The following PPP3CA variants were observed in gnomAD, a reference collection of about 807,000 sequenced individuals.
PPP3CA encodes protein phosphatase 3 catalytic subunit alpha.
PPP3CA carries 14 observed loss-of-function variants against 66.5 expected under a neutral mutation model. That is an observed-to-expected ratio of 0.21 (90% confidence interval 0.14 to 0.33). The LOEUF (loss-of-function observed/expected upper bound fraction) is 0.33. PPP3CA is among the 10% of genes least tolerant of loss of function. PPP3CA has a pLI of 1.00. For synonymous variants in PPP3CA, 232 were observed against 226.2 expected (o/e 1.03, Z -0.23); for missense variants, 317 against 639.5 (o/e 0.50, Z 5.44).
chr4:101,237,689 G>A (rs1232092604), intron 1 of PPP3CA, among the ~76,000 whole-genome samples: 1 of 152,078 alleles, frequency 6.6e-6, no homozygotes, highest in East Asian at 1.9e-4. Flanking sequence ...TGAACGAACA[G>A]AGCATATCTG....
rs564904299 is a variant in PPP3CA at position 101,034,765 on chromosome 4, T to G, written c.1242-2401A>C. ...TATTGTTTATTTTCATGCATGTATTTCAAACTTTTTAAGCTTCTGTGGTCT... is the reference window on the plus strand; with the variant it reads ...TATTGTTTATTTTCATGCATGTATTGCAAACTTTTTAAGCTTCTGTGGTCT... On this transcript the variant is annotated intron_variant, in intron 11 of 13. Transcript: ENST00000394854. Among the ~76,000 whole-genome samples, 112 of 152,336 alleles carry G rather than the reference T, an allele frequency of 7.4e-4. 2 individuals are homozygous for G. In the South Asian group the frequency reaches 0.023, roughly 31 times the overall value.
chr4:101,121,856 C>T (rs1471132830), intron 2 of PPP3CA, among the ~76,000 whole-genome samples: 1 of 152,046 alleles, frequency 6.6e-6, no homozygotes, highest in African/African-American at 2.4e-5. Context: ...ATGGGGCCTC[C>T]AGCTAGTTAA....
chr4:101,113,016 C>T (rs1721723810), intron 2 of PPP3CA, among the ~76,000 whole-genome samples: 1 of 151,976 alleles, frequency 6.6e-6, no homozygotes, highest in Non-Finnish European at 1.5e-5. Flanking sequence ...TTTGAGATAC[C>T]CTTGTGATTG....
At chr4:101,146,856 AT>A (rs1218592167) in intron 2 of PPP3CA, among the ~76,000 whole-genome samples, 1 of 152,112 alleles carries the variant, frequency 6.6e-6, no homozygotes, top group African/African-American at 2.4e-5. Flanking sequence ...TAGATTTCAG[AT>A]TTGGAATATC....
chr4:101,061,484 TCA>T (rs1728459361), intron 9 of PPP3CA, among the ~76,000 whole-genome samples: 5 of 152,094 alleles, frequency 3.3e-5, no homozygotes, highest in Admixed American at 3.3e-4. Flanking sequence ...TTTTTATTAG[TCA>T]CACAATGATA....
chr4:101,283,691 T>C (rs894490041), intron 1 of PPP3CA, among the ~76,000 whole-genome samples: 11 of 152,162 alleles, frequency 7.2e-5, no homozygotes, highest in African/African-American at 1.7e-4. Flanking sequence ...CTACAGTTGA[T>C]TGATTTGGAG....
intron 1 of PPP3CA, among the ~76,000 whole-genome samples, chr4:101,335,653 G>A (rs2110337540): frequency 6.6e-6 from 1 of 152,258 alleles, no homozygotes; most frequent in East Asian, 1.9e-4. Context: ...TGAGAACTAA[G>A]AGCATCATGA....
chr4:101,058,436 C>G (rs1728318130), intron 10 of PPP3CA, among the ~76,000 whole-genome samples: 1 of 152,056 alleles, frequency 6.6e-6, no homozygotes, highest in Admixed American at 6.6e-5. Flanking sequence ...CTGGTAAGAG[C>G]AGGTTAGGCA....
At chr4:101,263,849 T>C (rs190893358) in intron 1 of PPP3CA, among the ~76,000 whole-genome samples, 8 of 152,350 alleles carry the variant, frequency 5.3e-5, no homozygotes, top group Non-Finnish European at 8.8e-5. Flanking sequence ...TCAAGGGTTT[T>C]ATATAAATGG....
intron 1 of PPP3CA, among the ~76,000 whole-genome samples, chr4:101,256,192 A>G (rs1726835810): frequency 6.6e-6 from 1 of 151,276 alleles, no homozygotes; most frequent in South Asian, 2.1e-4. Flanking sequence ...TATTAGCACA[A>G]TAAAAATGCT....
chr4:101,122,714 A>C lies in PPP3CA; in HGVS notation c.260-13636T>G, dbSNP rs190823851. On this transcript the variant is annotated intron_variant, in intron 2 of 13. Coordinates refer to ENST00000394854, the MANE Select transcript of PPP3CA (RefSeq NM_000944.5). ...GGATTGAACAGAGAGTATATGTGAA[A>C]CATCTAGAGATAAATCAGAGAAGGA... is the stretch of plus-strand genomic sequence containing the variant. Among the ~76,000 whole-genome samples, 6 of 152,328 alleles carry C rather than the reference A, an allele frequency of 3.9e-5. No homozygotes were observed. The East Asian group carries it at 9.7e-4, about 25-fold the overall frequency.
intron 1 of PPP3CA, among the ~76,000 whole-genome samples, chr4:101,258,960 G>T (rs1290891319): frequency 6.6e-6 from 1 of 152,104 alleles, no homozygotes; most frequent in African/African-American, 2.4e-5. Flanking sequence ...CCTGGTTTCT[G>T]CTTCTGAGTT....
chr4:101,176,698 C>A (rs973192709), intron 2 of PPP3CA, among the ~76,000 whole-genome samples: 18 of 151,944 alleles, frequency 1.2e-4, no homozygotes, highest in Non-Finnish European at 2.1e-4. Context: ...AATGACTAAC[C>A]CTTGAGAACA....
In PPP3CA at chr4:101,154,525, A is replaced by G. The variant is rs181434116; in HGVS notation, c.259+41391T>C. Among the ~76,000 whole-genome samples the G allele has an allele frequency of 3.8e-3, 573 of 152,358 alleles. 2 individuals are homozygous for G. The highest frequency in any genetic ancestry group is 6.0e-3 in the Non-Finnish European group (411 of 68,032). Reference sequence around the variant, plus strand: ...TGGGGCAATAAAAGTGTTCCAACACATCTAAAAATTACCTGGCCTTCCAGA... The same window carrying G: ...TGGGGCAATAAAAGTGTTCCAACACGTCTAAAAATTACCTGGCCTTCCAGA... On this transcript the variant is annotated intron_variant, in intron 2 of 13. Transcript: ENST00000394854.
chr4:101,261,424 T>A (rs1015205374), intron 1 of PPP3CA, among the ~76,000 whole-genome samples: 2 of 152,130 alleles, frequency 1.3e-5, no homozygotes, highest in African/African-American at 4.8e-5. Flanking sequence ...CTTTACTCTT[T>A]AGTATTTGTA....
At chr4:101,123,572 T>C (rs927203814) in intron 2 of PPP3CA, among the ~76,000 whole-genome samples, 6 of 152,188 alleles carry the variant, frequency 3.9e-5, no homozygotes, top group Non-Finnish European at 7.3e-5. Context: ...GGCTCACGCC[T>C]ATAATCCTAG....
chr4:101,130,038 G>C (rs1456871733), intron 2 of PPP3CA, among the ~76,000 whole-genome samples: 1 of 152,000 alleles, frequency 6.6e-6, no homozygotes, highest in Non-Finnish European at 1.5e-5. Flanking sequence ...AGAATAACCA[G>C]TTTAGAGAAG....
At chr4:101,073,334 T>C (rs1729005380) in intron 8 of PPP3CA, among the ~76,000 whole-genome samples, 1 of 151,092 alleles carries the variant, frequency 6.6e-6, no homozygotes, top group South Asian at 2.1e-4. Flanking sequence ...TGGAGTGCAA[T>C]GGCGTGATCT....
chr4:101,155,482 C>T (rs895814445), intron 2 of PPP3CA, among the ~76,000 whole-genome samples: 2 of 152,178 alleles, frequency 1.3e-5, no homozygotes, highest in African/African-American at 2.4e-5. Flanking sequence ...ACCTTTCTTT[C>T]TCATGGGACA....
Sources: allele counts gnomAD v4.1 joint callset (sites outside exome capture counted in the v4.1 genomes callset), GRCh38; gene constraint gnomAD v4.1.1; transcripts MANE v1.5; gene names NCBI Gene and HGNC (gene_info 2026-07-23, HGNC 2026-07-21).